The following MUC12 variants were observed in gnomAD, a reference collection of about 807,000 sequenced individuals.
The protein encoded by MUC12 is mucin 12, cell surface associated, also known as mucin-12.
In MUC12, 172 loss-of-function variants were observed where a neutral mutation model predicts 230.8. The ratio of observed to expected loss-of-function variants is 0.75; its 90% CI spans 0.66 to 0.85. MUC12 has a LOEUF of 0.85. Among genes scored for constraint, MUC12 ranks in the 40% least tolerant of loss-of-function variants. MUC12 has a pLI of 0.00. For missense variants in MUC12, 3,506 were observed against 5,920.6 expected, an observed-to-expected ratio of 0.59 and a Z score of 13.38; for synonymous variants, 1,259 against 2,401.9, an observed-to-expected ratio of 0.52 and a Z score of 13.91.
chr7:101,008,576 C>A, intron 3 of MUC12, 58 bp from the exon 4 acceptor site: 1 of 1,515,332 alleles, frequency 6.6e-7, no homozygotes, highest in Non-Finnish European at 8.8e-7. Context: ...ATGTATCAAT[C>A]CTGGGGGACA....
Position 100,995,561 on chromosome 7 carries a change from C to T in MUC12, c.4998C>T (p.Ser1666=). 1.3e-6 allele frequency: 2 copies of T among 1,536,654 alleles called. No individual in the cohort carries two copies. The highest frequency in any genetic ancestry group is 1.7e-6 in the Non-Finnish European group (2 of 1,146,980). Residue 1666 remains serine (S), a synonymous_variant, in exon 2 of 12, where the codon AGC becomes AGT. Coordinates refer to ENST00000536621, the MANE Select transcript of MUC12 (RefSeq NM_001164462.2). ...LLEASTPVHS[S]TGSPHTTLSP... ...AAGCATCTACGCCCGTCCACAGCAG[C>T]ACTGGATCGCCACACACAACACTGT... is the stretch of plus-strand genomic sequence containing the variant.
rs753879407 is a variant in MUC12, at chr7:100,991,792, C to G, written c.1229C>G (p.Thr410Arg). ...TPSTTAALAH[T>R]SYHSSLGSTE... ...AGCACCACAGCTGCCCTAGCACATACAAGCTACCACAGCAGCCTGGGCTCA... is the reference window on the plus strand; with the variant it reads ...AGCACCACAGCTGCCCTAGCACATAGAAGCTACCACAGCAGCCTGGGCTCA... The change falls in exon 2 of 12, where the codon ACA becomes AGA. Residue 410 changes from threonine (T) to arginine (R), a missense_variant. Coordinates refer to ENST00000536621, the MANE Select transcript of MUC12 (RefSeq NM_001164462.2). 1 of 1,537,982 alleles carries G rather than the reference C, an allele frequency of 6.5e-7. No individual in the cohort carries two copies. The highest frequency in any genetic ancestry group is 1.2e-5 in the South Asian group (1 of 84,062).
At chr7:100,969,985 G>A (rs1792825203) in intron 1 of MUC12, among the ~76,000 whole-genome samples, 1 of 152,308 alleles carries the variant, frequency 6.6e-6, no homozygotes, top group Non-Finnish European at 1.5e-5. Context: ...GGAGGATGAA[G>A]GGGCTTTTGT....
chr7:101,008,576 C>T, intron 3 of MUC12, 58 bp from the exon 4 acceptor site: 1 of 1,515,332 alleles, frequency 6.6e-7, no homozygotes, highest in Non-Finnish European at 8.8e-7. Flanking sequence ...ATGTATCAAT[C>T]CTGGGGGACA....
In MUC12 at chr7:101,005,516, C is replaced by G; in HGVS notation, c.14953C>G (p.Pro4985Ala). The G allele has an allele frequency of 6.5e-7, 1 of 1,535,706 alleles. No homozygotes were observed. The highest frequency in any genetic ancestry group is 8.7e-7 in the Non-Finnish European group (1 of 1,145,690). ...TACTGAAAGCCTGGAAACCTTAGCA[C>G]CAGGTACTGCTCTTTCCATTTCATC... Reference protein sequence around the residue: ...VSTESLETLAPGLCQEGQIWN... With the variant: ...VSTESLETLAAGLCQEGQIWN... The change falls in exon 2 of 12, where the codon CCA (proline) becomes GCA (alanine). Residue 4985 changes from proline (P) to alanine (A), a missense_variant. By Grantham distance (27) the Pro-to-Ala change is conservative. Transcript: ENST00000536621.
At position 101,005,373 on chromosome 7, in the gene MUC12, A is replaced by G. The variant is rs1346622261; in HGVS notation, c.14810A>G (p.Tyr4937Cys). 2 of 1,537,848 alleles carry G rather than the reference A, an allele frequency of 1.3e-6. No homozygotes were observed. Among genetic ancestry groups the G allele is most frequent in the East Asian group, 2.4e-5 (1 of 40,918 alleles). The change falls in exon 2 of 12, where the codon TAC becomes TGC. Residue 4937 changes from tyrosine (Y) to cysteine (C), a missense_variant. Coordinates refer to ENST00000536621, the MANE Select transcript of MUC12 (RefSeq NM_001164462.2). ...CTTGTTGGAGAACCTACAACTTTCT[A>G]CATCAGCCCATCCCCTACTTACACA... ...SDLVGEPTTF[Y>C]ISPSPTYTTL...
rs1794003368 is a variant in MUC12 at position 101,018,801 on chromosome 7, C to G, written c.*165C>G. ...GGCCAGTCCCCTGCCTGTGCTCCTG[C>G]TGGGGAAGGCTGGGGGCTGTAAGCC... On this transcript the variant is annotated 3_prime_UTR_variant, in exon 12 of 12. Coordinates refer to ENST00000536621, the MANE Select transcript of MUC12 (RefSeq NM_001164462.2). 5 of 618,000 alleles carry G rather than the reference C, an allele frequency of 8.1e-6. No homozygotes were observed. Among genetic ancestry groups the G allele is most frequent in the African/African-American group, 1.9e-5 (1 of 51,846 alleles). 38.3% of individuals were successfully genotyped at this position (618,000 alleles called of 1,614,324 possible).
At position 100,992,426 on chromosome 7, in the gene MUC12, T is replaced by C. The variant is rs1365730196; in HGVS notation, c.1863T>C (p.Pro621=). ...STRSPHTTLS[P]AGSTTRQGES... ...GATCGCCACACACAACACTGTCCCC[T>C]GCCGGCTCTACAACCCGTCAGGGAG... The change falls in exon 2 of 12, where the codon CCT becomes CCC. Residue 621 remains proline (P), a synonymous_variant. Transcript: ENST00000536621. 1 of 1,537,994 alleles carries C rather than the reference T, an allele frequency of 6.5e-7. No individual in the cohort carries two copies.
intron 1 of MUC12, among the ~76,000 whole-genome samples, chr7:100,977,050 CAAAAAAAAAAAAAAAAAAAAAA>C (rs1157648244): frequency 1.6e-5 from 1 of 62,414 alleles, no homozygotes; most frequent in Non-Finnish European, 2.8e-5. Context: ...GACTCCATCT[CAAAAAAAAAAAAAAAAAAAAAA>C]AAAAAAAAAA....
intron 5 of MUC12, among the ~76,000 whole-genome samples, chr7:101,011,368 C>G (rs920929124): frequency 3.3e-5 from 5 of 152,172 alleles, no homozygotes; most frequent in Admixed American, 2.6e-4. Context: ...ATCTCTCCCC[C>G]CAGCTGCATC....
At chr7:101,017,528 C>T in intron 10 of MUC12, 47 bp from the exon 11 acceptor site, 3 of 1,242,918 alleles carry the variant, frequency 2.4e-6, no homozygotes, top group Non-Finnish European at 3.4e-6. Flanking sequence ...CCCCCTAGTC[C>T]TCCCCCTACC....
chr7:101,012,881 G>C lies in MUC12; in HGVS notation c.15466G>C (p.Asp5156His). 6.5e-7 allele frequency: 1 copy of C among 1,537,262 alleles called. No individual in the cohort carries two copies. The highest frequency in any genetic ancestry group is 8.7e-7 in the Non-Finnish European group (1 of 1,146,916). The change falls in exon 7 of 12, where the codon GAC becomes CAC. Residue 5156 changes from aspartate (D) to histidine (H), a missense_variant. Physicochemically the swap from Asp to His is moderately conservative, Grantham distance 81. Transcript: ENST00000536621. ...GGATTCATCGGTGACTCCGGGCTTT[G>C]ACTTCCAGGGTAAGCGACTACGTGG... Reference protein sequence around the residue: ...FVDSSVTPGFDFQEQCTQKAA... With the variant: ...FVDSSVTPGFHFQEQCTQKAA...
chr7:100,976,384 TGAC>T lies in MUC12; in HGVS notation c.67+6696_67+6698del, dbSNP rs530523119. Among the ~76,000 whole-genome samples the T allele has an allele frequency of 6.4e-4, 97 of 152,024 alleles. 1 individual carries two copies. The highest frequency in any genetic ancestry group is 2.3e-3 in the African/African-American group (95 of 41,448). On this transcript the variant is annotated intron_variant, in intron 1 of 11. Coordinates refer to ENST00000536621, the MANE Select transcript of MUC12 (RefSeq NM_001164462.2). ...ACTTTGGGAGGTCGAGGCGGATGGATGACAAGGTCAGGAGATCGAGACCATCCT... is the reference window on the plus strand; with the variant it reads ...ACTTTGGGAGGTCGAGGCGGATGGATAAGGTCAGGAGATCGAGACCATCCT...
At chr7:101,013,496 C>T (rs1270154833) in intron 8 of MUC12, among the ~76,000 whole-genome samples, 1 of 152,178 alleles carries the variant, frequency 6.6e-6, no homozygotes, top group Non-Finnish European at 1.5e-5. Context: ...TTGTTAATTT[C>T]CCTTATGTCA....
At chr7:101,010,486 G>A (rs1220238527) in intron 5 of MUC12, among the ~76,000 whole-genome samples, 8 of 152,004 alleles carry the variant, frequency 5.3e-5, no homozygotes, top group East Asian at 1.9e-4. Flanking sequence ...ACAGGCCTGC[G>A]CCATCGTGCT....
chr7:101,011,273 G>A (rs1021409078), intron 5 of MUC12, among the ~76,000 whole-genome samples: 1 of 152,036 alleles, frequency 6.6e-6, no homozygotes, highest in African/African-American at 2.4e-5. Context: ...TTTGGCTCAG[G>A]ATTTTTTTTG....
rs1439939430 is a variant in MUC12, at chr7:101,005,199, C to T, written c.14636C>T (p.Thr4879Ile). 5.2e-6 allele frequency: 8 copies of T among 1,537,818 alleles called. No individual in the cohort carries two copies. In the Admixed American group the frequency reaches 5.9e-5, roughly 11 times the overall value. ...NTMSIHSQQS[T>I]PFPDSPGFTH... ...ATGTCCATTCATAGTCAACAATCTA[C>T]ACCCTTCCCTGACAGCCCAGGCTTC... Residue 4879 changes from threonine (T) to isoleucine (I), a missense_variant, in exon 2 of 12, where the codon ACA (threonine) becomes ATA (isoleucine). Transcript: ENST00000536621.
rs1350956748 is a variant in MUC12 at position 100,992,325 on chromosome 7, G to T, written c.1762G>T (p.Glu588Ter). The change falls in exon 2 of 12, where the codon GAA becomes TAA. Residue 588 changes from glutamate to a stop codon, truncating the protein, a stop_gained. Transcript: ENST00000536621. LOFTEE classifies it high-confidence loss of function. The stretch of plus-strand genomic sequence containing the variant: ...CTTCCACAGCCGCCCAGGCTCCACT[G>T]AAACAACACTCTTACCTGACAACAC... The part of the protein sequence containing the change: ...TTFHSRPGST[E>*]TTLLPDNTTA... 3.3e-6 allele frequency: 5 copies of T among 1,536,686 alleles called. No individual in the cohort carries two copies. The South Asian group carries it at 6.0e-5, about 18-fold the overall frequency.
chr7:100,992,023 C>G lies in MUC12; in HGVS notation c.1460C>G (p.Pro487Arg). ...GCGTTACCCGGCAGTACCACAAAACCAGGCCTCAGTGAGAAATCTACCACT... is the reference window on the plus strand; with the variant it reads ...GCGTTACCCGGCAGTACCACAAAACGAGGCCTCAGTGAGAAATCTACCACT... ...TTALPGSTTK[P>R]GLSEKSTTFY... Residue 487 changes from proline to arginine, a missense_variant, in exon 2 of 12, where the codon CCA becomes CGA. Transcript: ENST00000536621. The G allele has an allele frequency of 6.5e-7, 1 of 1,537,982 alleles. No homozygotes were observed. Among genetic ancestry groups the G allele is most frequent in the Non-Finnish European group, 8.7e-7 (1 of 1,147,072 alleles).
Sources: allele counts gnomAD v4.1 joint callset (sites outside exome capture counted in the v4.1 genomes callset), GRCh38; gene constraint gnomAD v4.1.1; transcripts MANE v1.5; gene names NCBI Gene and HGNC (gene_info 2026-07-23, HGNC 2026-07-21).